The following CNTN4 variants were observed in gnomAD, a reference collection of about 807,000 sequenced individuals.
CNTN4 encodes the protein contactin-4.
A neutral mutation model predicts 122.5 loss-of-function variants in CNTN4; 77 were observed. The ratio of observed to expected loss-of-function variants is 0.63; its 90% confidence interval spans 0.52 to 0.76. The LOEUF (loss-of-function observed/expected upper bound fraction) is 0.76, where lower values mean the gene tolerates loss of function less well. Among genes scored for constraint, CNTN4 ranks in the 30% least tolerant of loss-of-function variants. The pLI, the probability that CNTN4 is intolerant of heterozygous loss-of-function variation, is 0.00. For missense variants in CNTN4, 1,256 were observed against 1,259.1 expected (o/e 1.00, Z 0.04); for synonymous variants, 512 against 447.0 (o/e 1.15, Z -1.83).
intron 4 of CNTN4, among the ~76,000 whole-genome samples, chr3:2,636,690 A>G (rs1237115805): frequency 6.6e-6 from 1 of 152,162 alleles, no homozygotes; most frequent in Non-Finnish European, 1.5e-5. Context: ...AAAATTACAA[A>G]CACCAATTAC....
At chr3:2,207,438 A>G (rs1241126082) in intron 2 of CNTN4, among the ~76,000 whole-genome samples, 2 of 152,118 alleles carry the variant, frequency 1.3e-5, no homozygotes, top group Non-Finnish European at 2.9e-5. Context: ...ATTGAAAATT[A>G]CAAGTGAACA....
intron 3 of CNTN4, among the ~76,000 whole-genome samples, chr3:2,355,144 C>G (rs2044813941): frequency 6.6e-6 from 1 of 152,176 alleles, no homozygotes; most frequent in African/African-American, 2.4e-5. Flanking sequence ...GCCTATTTCT[C>G]AAGTAGCTTC....
chr3:2,134,791 G>A (rs1488619183), intron 2 of CNTN4, among the ~76,000 whole-genome samples: 1 of 152,192 alleles, frequency 6.6e-6, no homozygotes, highest in African/African-American at 2.4e-5. Flanking sequence ...AGCTTATGCG[G>A]CAGTCATGTG....
chr3:2,676,670 C>T (rs1024308759), intron 4 of CNTN4, among the ~76,000 whole-genome samples: 9 of 152,070 alleles, frequency 5.9e-5, no homozygotes, highest in South Asian at 2.1e-4. Context: ...GGGAAAGAAA[C>T]GACATGGGAA....
chr3:2,772,493 G>A (rs1041774538), intron 6 of CNTN4, among the ~76,000 whole-genome samples: 2 of 152,064 alleles, frequency 1.3e-5, no homozygotes, highest in Non-Finnish European at 2.9e-5. Context: ...GGGTATCATT[G>A]ACTAACTTTG....
chr3:2,466,079 A>G (rs2075486619), intron 3 of CNTN4, among the ~76,000 whole-genome samples: 1 of 152,168 alleles, frequency 6.6e-6, no homozygotes, highest in Admixed American at 6.5e-5. Flanking sequence ...GCACTAAACC[A>G]ACACTACATG....
chr3:2,190,614 G>A (rs58570909), intron 2 of CNTN4, among the ~76,000 whole-genome samples: 2 of 151,766 alleles, frequency 1.3e-5, no homozygotes, highest in Non-Finnish European at 1.5e-5. Flanking sequence ...GGGACAGTCT[G>A]CATGGGTGGT....
chr3:2,836,575 A>G (rs2093229711), intron 7 of CNTN4, among the ~76,000 whole-genome samples: 1 of 152,178 alleles, frequency 6.6e-6, no homozygotes, highest in South Asian at 2.1e-4. Flanking sequence ...TTAAGTAAAT[A>G]TGGCATTACT....
chr3:2,498,464 A>G (rs1420790401), intron 3 of CNTN4, among the ~76,000 whole-genome samples: 1 of 151,764 alleles, frequency 6.6e-6, no homozygotes, highest in African/African-American at 2.4e-5. Context: ...TGTTTTAGCC[A>G]TTCTTTTTGT....
intron 6 of CNTN4, among the ~76,000 whole-genome samples, chr3:2,787,852 C>T (rs921867474): frequency 4.0e-5 from 6 of 148,722 alleles, no homozygotes; most frequent in African/African-American, 7.5e-5. Flanking sequence ...TGCAGTGGTG[C>T]GATCTTGGCT....
At chr3:2,736,380 T>C in intron 5 of CNTN4, 39 bp downstream of exon 5, 1 of 1,590,796 alleles carries the variant, frequency 6.3e-7, no homozygotes, top group South Asian at 1.1e-5. Flanking sequence ...ATGCATATAG[T>C]TTCTGTTATT....
At chr3:2,429,671 C>G (rs931949269) in intron 3 of CNTN4, among the ~76,000 whole-genome samples, 1 of 152,176 alleles carries the variant, frequency 6.6e-6, no homozygotes, top group East Asian at 1.9e-4. Context: ...CTGTGCCATG[C>G]CCCGAAGAGT....
At chr3:2,917,333 G>A (rs2094378620) in intron 12 of CNTN4, among the ~76,000 whole-genome samples, 1 of 127,208 alleles carries the variant, frequency 7.9e-6, no homozygotes, top group Admixed American at 8.0e-5. Flanking sequence ...GTGGAAAGCG[G>A]AATAGGGAGA....
At chr3:2,273,766 C>T (rs1242903371) in intron 2 of CNTN4, among the ~76,000 whole-genome samples, 1 of 152,150 alleles carries the variant, frequency 6.6e-6, no homozygotes, top group Non-Finnish European at 1.5e-5. Context: ...TATAGCATAA[C>T]ACACCTGGTA....
intron 6 of CNTN4, among the ~76,000 whole-genome samples, chr3:2,781,930 A>C (rs1430265389): frequency 4.1e-5 from 6 of 145,270 alleles, no homozygotes; most frequent in Non-Finnish European, 7.5e-5. Context: ...TCACCGTGTT[A>C]GCCAGGATGG....
intron 4 of CNTN4, among the ~76,000 whole-genome samples, chr3:2,589,184 A>T (rs2080344184): frequency 6.6e-6 from 1 of 152,170 alleles, no homozygotes; most frequent in African/African-American, 2.4e-5. Flanking sequence ...GTGACTGGAG[A>T]TCCTTTAATC....
chr3:2,976,320 A>C (rs1693410152), intron 13 of CNTN4, among the ~76,000 whole-genome samples: 1 of 152,232 alleles, frequency 6.6e-6, no homozygotes, highest in Non-Finnish European at 1.5e-5. Context: ...TTAAACAAAC[A>C]CAAGTTTATT....
At chr3:3,046,151 A>T (rs914374892) in intron 23 of CNTN4, among the ~76,000 whole-genome samples, 2 of 152,236 alleles carry the variant, frequency 1.3e-5, no homozygotes, top group Admixed American at 6.5e-5. Flanking sequence ...TCTACGTCTG[A>T]TTGGTGTACC....
At chr3:2,368,727 A>G (rs1050147086) in intron 3 of CNTN4, among the ~76,000 whole-genome samples, 2 of 152,188 alleles carry the variant, frequency 1.3e-5, no homozygotes, top group Admixed American at 6.5e-5. Flanking sequence ...TTAGGAGATC[A>G]TTATTGCAGT....
Sources: gnomAD v4.1 joint callset for allele counts (sites outside exome capture counted in the v4.1 genomes callset) on GRCh38, gnomAD v4.1.1 for gene constraint, MANE v1.5 for transcripts, NCBI Gene and HGNC (gene_info 2026-07-23, HGNC 2026-07-21) for gene names.